FIRRM: variants seen among roughly 807,000 people sequenced by gnomAD.
FIRRM encodes the protein FIGNL1 interacting regulator of recombination and mitosis, also known as FIGNL1-interacting regulator of recombination and mitosis.
the FIRRM span, among the ~76,000 whole-genome samples, chr1:169,817,196 G>A: frequency 7.9e-5 from 12 of 151,770 alleles, no homozygotes; most frequent in South Asian, 4.2e-4. Context: ...TGATATCCAC[G>A]AACACTCCAT....
At chr1:169,799,014 C>A in the FIRRM span, 1 of 685,180 alleles carries the variant, frequency 1.5e-6, no homozygotes, top group Non-Finnish European at 2.4e-6. Context: ...TCCGAGTCCC[C>A]ACATACCTCG....
At chr1:169,835,236 A>C in the FIRRM span, among the ~76,000 whole-genome samples, 4 of 152,214 alleles carry the variant, frequency 2.6e-5, no homozygotes, top group African/African-American at 9.6e-5. Flanking sequence ...GTGATGATAT[A>C]CTTTAAAAAA....
chr1:169,784,134 C>T, the FIRRM span, among the ~76,000 whole-genome samples: 2 of 152,188 alleles, frequency 1.3e-5, no homozygotes, highest in South Asian at 4.1e-4. Flanking sequence ...CAGATGCATA[C>T]TTCAGCACTA....
At chr1:169,823,266 AAAG>A in the FIRRM span, 1 of 494,926 alleles carries the variant, frequency 2.0e-6, no homozygotes, top group South Asian at 3.4e-5. Flanking sequence ...AAAAAAAAGA[AAAG>A]AAAAGAAAGA....
chr1:169,798,990 C>T, the FIRRM span: 563 of 951,868 alleles, frequency 5.9e-4, 8 homozygotes, highest in East Asian at 0.015. Context: ...GTATGATGTA[C>T]TTTGATGTTA....
chr1:169,795,118 G>C, the FIRRM span: 4 of 1,536,052 alleles, frequency 2.6e-6, 1 homozygote, highest in South Asian at 4.8e-5. Flanking sequence ...TCAGGAAGGT[G>C]CGGTCCCAGC....
At chr1:169,800,919 A>T in the FIRRM span, 4 of 1,597,920 alleles carry the variant, frequency 2.5e-6, no homozygotes, top group Non-Finnish European at 3.4e-6. Flanking sequence ...TTTTTACCTC[A>T]TATGAACCAC....
At chr1:169,811,012 A>G in the FIRRM span, among the ~76,000 whole-genome samples, 1 of 150,950 alleles carries the variant, frequency 6.6e-6, no homozygotes, top group African/African-American at 2.4e-5. Flanking sequence ...GGCGCCTGCC[A>G]CCGCGCCCGG....
chr1:169,832,108 T>G, the FIRRM span, among the ~76,000 whole-genome samples: 2 of 152,202 alleles, frequency 1.3e-5, no homozygotes, highest in East Asian at 3.9e-4. Flanking sequence ...TTTATCTACC[T>G]CTCTACTATT....
the FIRRM span, chr1:169,851,962 AAACTTT>A: frequency 6.2e-7 from 1 of 1,613,894 alleles, no homozygotes; most frequent in Admixed American, 1.7e-5. Context: ...AATAGGGGCC[AAACTTT>A]AACAAGGCAA....
chr1:169,793,246 G>C, the FIRRM span: 1 of 1,614,098 alleles, frequency 6.2e-7, no homozygotes, highest in Non-Finnish European at 8.5e-7. Flanking sequence ...GAGAAGAAAA[G>C]CTTTTTGAAA....
the FIRRM span, among the ~76,000 whole-genome samples, chr1:169,818,263 A>G: frequency 6.6e-6 from 1 of 152,242 alleles, no homozygotes; most frequent in Non-Finnish European, 1.5e-5. Context: ...CCTAGGACAC[A>G]GAACAGAAGT....
At chr1:169,818,200 A>G in the FIRRM span, among the ~76,000 whole-genome samples, 8 of 152,206 alleles carry the variant, frequency 5.3e-5, no homozygotes, top group Non-Finnish European at 1.2e-4. Context: ...ACTTTTACTT[A>G]TGGTGGAAAA....
At chr1:169,795,032 T>G in the FIRRM span, 1 of 1,225,758 alleles carries the variant, frequency 8.2e-7, no homozygotes, top group South Asian at 1.3e-5. Context: ...CGCGCAAGGG[T>G]TGGCGGGACT....
the FIRRM span, among the ~76,000 whole-genome samples, chr1:169,839,667 C>T: frequency 6.6e-6 from 1 of 152,156 alleles, no homozygotes; most frequent in Non-Finnish European, 1.5e-5. Context: ...GCATAGTTTG[C>T]AAGTATTTTC....
the FIRRM span, among the ~76,000 whole-genome samples, chr1:169,846,484 T>G: frequency 6.6e-6 from 1 of 152,308 alleles, no homozygotes; most frequent in East Asian, 1.9e-4. Flanking sequence ...TCCTCTACAT[T>G]AAAAATATAT....
the FIRRM span, among the ~76,000 whole-genome samples, chr1:169,797,843 G>T: frequency 2.6e-5 from 4 of 151,988 alleles, no homozygotes; most frequent in Admixed American, 2.0e-4. Flanking sequence ...TGCCCGGCCG[G>T]GTTATTCATT....
chr1:169,841,067 T>C, the FIRRM span, among the ~76,000 whole-genome samples: 6 of 152,354 alleles, frequency 3.9e-5, no homozygotes, highest in Admixed American at 3.9e-4. Flanking sequence ...GCCTGTTCAG[T>C]ACGACGTTGG....
chr1:169,801,597 CAAAA>C, the FIRRM span, among the ~76,000 whole-genome samples: 45,323 of 124,366 alleles, frequency 0.36, 7,775 homozygotes, highest in East Asian at 0.58. Context: ...ACCCTTAATT[CAAAA>C]AAAAAAAAAA....
Sources: gnomAD v4.1 joint callset for allele counts (sites outside exome capture counted in the v4.1 genomes callset) on GRCh38, gnomAD v4.1.1 for gene constraint, MANE v1.5 for transcripts, NCBI Gene and HGNC (gene_info 2026-07-23, HGNC 2026-07-21) for gene names.